DCAF7: variants seen among roughly 807,000 people sequenced by gnomAD.
DCAF7 encodes the protein DDB1- and CUL4-associated factor 7.
In DCAF7, 4 loss-of-function variants were observed where a neutral mutation model predicts 41.2. The ratio of observed to expected loss-of-function variants is 0.10; its 90% confidence interval spans 0.05 to 0.22. DCAF7 has a LOEUF of 0.22. DCAF7 is among the 10% of genes least tolerant of loss of function. The pLI, the probability that DCAF7 is intolerant of heterozygous loss-of-function variation, is 1.00. For missense variants in DCAF7, 131 were observed against 443.2 expected (o/e 0.30, Z 6.32); for synonymous variants, 143 against 164.2 (o/e 0.87, Z 0.99).
At chr17:63,563,157 A>G (rs1331564307) in intron 1 of DCAF7, among the ~76,000 whole-genome samples, 3 of 152,222 alleles carry the variant, frequency 2.0e-5, no homozygotes, top group Non-Finnish European at 4.4e-5. Context: ...ATGACAGACA[A>G]TAGTAGCTAA....
intron 4 of DCAF7, among the ~76,000 whole-genome samples, chr17:63,581,649 A>G (rs560604292): frequency 6.6e-6 from 1 of 152,368 alleles, no homozygotes; most frequent in Admixed American, 6.5e-5. Flanking sequence ...CGCTGTAGGA[A>G]TCAGTTCTCT....
intron 1 of DCAF7, among the ~76,000 whole-genome samples, chr17:63,574,050 C>T (rs1015705623): frequency 1.3e-5 from 2 of 152,044 alleles, no homozygotes; most frequent in East Asian, 1.9e-4. Flanking sequence ...GCACACCTTC[C>T]CAGCTGCATC....
At chr17:63,558,571 T>A (rs2033335265) in intron 1 of DCAF7, among the ~76,000 whole-genome samples, 1 of 152,198 alleles carries the variant, frequency 6.6e-6, no homozygotes, top group African/African-American at 2.4e-5. Context: ...AGGGTCTCGC[T>A]CTGTCGCCCA....
At chr17:63,573,855 C>G (rs2033533485) in intron 1 of DCAF7, among the ~76,000 whole-genome samples, 1 of 152,138 alleles carries the variant, frequency 6.6e-6, no homozygotes, top group Non-Finnish European at 1.5e-5. Flanking sequence ...TCTCACTATC[C>G]CTTAATTTTT....
chr17:63,586,067 T>C (rs2033673610), intron 6 of DCAF7, among the ~76,000 whole-genome samples: 1 of 148,066 alleles, frequency 6.8e-6, no homozygotes, highest in African/African-American at 2.5e-5. Context: ...GGAGGTTGCA[T>C]TGACCAGAGA....
chr17:63,557,779 G>C (rs2033326241), intron 1 of DCAF7, among the ~76,000 whole-genome samples: 2 of 152,216 alleles, frequency 1.3e-5, no homozygotes. Context: ...ACTTGCCAAA[G>C]ATTTGAAGTG....
At chr17:63,568,358 G>A (rs973065004) in intron 1 of DCAF7, among the ~76,000 whole-genome samples, 1 of 152,186 alleles carries the variant, frequency 6.6e-6, no homozygotes, top group Admixed American at 6.5e-5. Flanking sequence ...AGATATTCCA[G>A]AGAAGCTTTG....
At chr17:63,559,389 A>ATGTATATATATATGTG (rs2033351074) in intron 1 of DCAF7, among the ~76,000 whole-genome samples, 1 of 47,634 alleles carries the variant, frequency 2.1e-5, no homozygotes, top group Non-Finnish European at 4.3e-5. Flanking sequence ...ATATATATGT[A>ATGTATATATATATGTG]TATATATATG....
chr17:63,552,574 C>T (rs1378390324), intron 1 of DCAF7: 1 of 152,152 alleles, frequency 6.6e-6, no homozygotes, highest in Non-Finnish European at 1.5e-5. Context: ...AAATTAAGAC[C>T]ACTAGAACTA....
intron 1 of DCAF7, among the ~76,000 whole-genome samples, chr17:63,564,295 A>G (rs952286727): frequency 6.6e-6 from 1 of 152,246 alleles, no homozygotes; most frequent in Admixed American, 6.5e-5. Context: ...CAAAATAGAT[A>G]AAACTTGTAA....
At chr17:63,581,679 G>A (rs1312450621) in intron 4 of DCAF7, among the ~76,000 whole-genome samples, 1 of 152,258 alleles carries the variant, frequency 6.6e-6, no homozygotes, top group Admixed American at 6.5e-5. Context: ...GAGAAGAAGA[G>A]CAGGGAGAAA....
chr17:63,559,001 G>A (rs1021776594), intron 1 of DCAF7, among the ~76,000 whole-genome samples: 1 of 152,050 alleles, frequency 6.6e-6, no homozygotes, highest in Non-Finnish European at 1.5e-5. Context: ...TGCTAAAGGT[G>A]ATAGGAAATG....
At chr17:63,586,966 C>G (rs1232484294) in intron 6 of DCAF7, among the ~76,000 whole-genome samples, 1 of 152,078 alleles carries the variant, frequency 6.6e-6, no homozygotes, top group Non-Finnish European at 1.5e-5. Context: ...CCTTCCAGAC[C>G]CTTTTGGTAT....
chr17:63,552,120 T>G (rs1292246286), intron 1 of DCAF7, among the ~76,000 whole-genome samples: 1 of 151,960 alleles, frequency 6.6e-6, no homozygotes, highest in Non-Finnish European at 1.5e-5. Context: ...ACAAGGCTGA[T>G]GCAGGGGGGA....
intron 1 of DCAF7, among the ~76,000 whole-genome samples, chr17:63,554,047 A>T (rs1461079047): frequency 6.6e-6 from 1 of 152,178 alleles, no homozygotes; most frequent in Non-Finnish European, 1.5e-5. Context: ...CTACAAAAAC[A>T]TTAAAAAATT....
intron 1 of DCAF7, among the ~76,000 whole-genome samples, chr17:63,564,067 A>G (rs752066238): frequency 3.9e-5 from 6 of 152,078 alleles, no homozygotes; most frequent in African/African-American, 7.2e-5. Flanking sequence ...ACCATATAGA[A>G]GAATGTAGAA....
intron 1 of DCAF7, among the ~76,000 whole-genome samples, chr17:63,560,627 G>A (rs746525767): frequency 5.3e-5 from 8 of 152,152 alleles, no homozygotes; most frequent in Non-Finnish European, 1.0e-4. Flanking sequence ...GATTTTTCCA[G>A]GGAAAGGGAC....
chr17:63,587,374 A>G (rs1384781345), intron 6 of DCAF7, among the ~76,000 whole-genome samples: 1 of 151,630 alleles, frequency 6.6e-6, no homozygotes, highest in Non-Finnish European at 1.5e-5. Context: ...TAGAAGAAGC[A>G]GAAAAGAAAG....
chr17:63,591,852 A>T lies in DCAF7; in HGVS notation c.*2680A>T, dbSNP rs1016122648. On this transcript the variant is annotated 3_prime_UTR_variant, in exon 7 of 7. Transcript: ENST00000614556. ...AGGAAGCCCACATGGAGGCTCCGCCAGGCTGTGGCCCAGCTGGTGATGGCC... is the reference window on the plus strand; with the variant it reads ...AGGAAGCCCACATGGAGGCTCCGCCTGGCTGTGGCCCAGCTGGTGATGGCC... 3.9e-5 allele frequency: 6 copies of T among 152,388 alleles called. No individual in the cohort carries two copies. The highest frequency in any genetic ancestry group is 1.4e-4 in the African/African-American group (6 of 41,466). The allele number at this position is 152,388 out of a possible 1,614,324, so 9.4% of individuals were successfully genotyped here. A position where few individuals can be genotyped will look rare whatever the true frequency, so the allele number is the denominator to read the frequency against.
Sources: gnomAD v4.1 joint callset for allele counts (sites outside exome capture counted in the v4.1 genomes callset) on GRCh38, gnomAD v4.1.1 for gene constraint, MANE v1.5 for transcripts, NCBI Gene and HGNC (gene_info 2026-07-23, HGNC 2026-07-21) for gene names.